Variants in SASH1 observed in about 807,000 individuals in gnomAD.
SASH1 encodes SAM and SH3 domain-containing protein 1.
SASH1 carries 44 observed loss-of-function variants against 125.2 expected under a neutral mutation model. That is an observed-to-expected ratio of 0.35 (90% CI 0.28 to 0.45). The LOEUF (loss-of-function observed/expected upper bound fraction) is 0.45, where lower values mean the gene tolerates loss of function less well. Among genes scored for constraint, SASH1 ranks in the 20% least tolerant of loss-of-function variants. SASH1 has a pLI of 1.00. For synonymous variants in SASH1, 639 were observed against 649.1 expected (o/e 0.98, Z 0.24); for missense variants, 1,426 against 1,614.5 (o/e 0.88, Z 2.00).
At chr6:148,347,919 C>T (rs917056113) in intron 1 of SASH1, among the ~76,000 whole-genome samples, 2 of 152,190 alleles carry the variant, frequency 1.3e-5, no homozygotes, top group African/African-American at 4.8e-5. Flanking sequence ...CTCAGGGTAA[C>T]AGAGAGGAGG....
chr6:148,259,867 G>A, the SASH1 span, among the ~76,000 whole-genome samples: 1 of 152,160 alleles, frequency 6.6e-6, no homozygotes, highest in South Asian at 2.1e-4. Context: ...GCACTGTAAA[G>A]CTTGACTTTT....
chr6:148,545,437 G>T (rs1782497474), intron 18 of SASH1, among the ~76,000 whole-genome samples: 1 of 152,196 alleles, frequency 6.6e-6, no homozygotes, highest in Non-Finnish European at 1.5e-5. Context: ...GTCTTTAAAT[G>T]AAAGGTAGTG....
chr6:148,486,936 A>T (rs1355008860), intron 7 of SASH1, among the ~76,000 whole-genome samples: 1 of 62,048 alleles, frequency 1.6e-5, no homozygotes, highest in African/African-American at 8.3e-5. Flanking sequence ...AACAACAACA[A>T]ATATATATAT....
At chr6:148,275,887 G>T (rs1779170592) in intron 1 of SASH1, among the ~76,000 whole-genome samples, 1 of 152,044 alleles carries the variant, frequency 6.6e-6, no homozygotes, top group African/African-American at 2.4e-5. Flanking sequence ...ACACCCAGCT[G>T]ATTTTTTATT....
At chr6:148,263,828 G>A in the SASH1 span, among the ~76,000 whole-genome samples, 1 of 152,160 alleles carries the variant, frequency 6.6e-6, no homozygotes, top group Non-Finnish European at 1.5e-5. Flanking sequence ...CTGTTTTCCT[G>A]CCCCTGTCTG....
At chr6:148,271,040 G>A (rs960926866), upstream of SASH1, among the ~76,000 whole-genome samples, 3 of 151,798 alleles carry the variant, frequency 2.0e-5, no homozygotes, top group Non-Finnish European at 4.4e-5. Context: ...CTCCCAAGTA[G>A]CTGGGATTAC....
chr6:148,279,984 CA>C (rs34727631), intron 1 of SASH1, among the ~76,000 whole-genome samples: 17,589 of 116,652 alleles, frequency 0.15, 1,251 homozygotes, highest in Middle Eastern at 0.24. Flanking sequence ...GACCATGTCT[CA>C]AAAAAAAAAA....
the SASH1 span, among the ~76,000 whole-genome samples, chr6:148,213,525 T>C: frequency 1.3e-5 from 2 of 151,606 alleles, no homozygotes; most frequent in African/African-American, 4.8e-5. Context: ...TGTGTGTGTG[T>C]GTGTGTGTTT....
intron 1 of SASH1, among the ~76,000 whole-genome samples, chr6:148,299,429 G>A (rs1451565305): frequency 2.0e-5 from 3 of 152,046 alleles, no homozygotes; most frequent in Non-Finnish European, 4.4e-5. Flanking sequence ...CACTTTGGGA[G>A]GCCGAGGTGG....
chr6:148,314,402 T>C (rs1035021937), intron 1 of SASH1, among the ~76,000 whole-genome samples: 4 of 152,210 alleles, frequency 2.6e-5, no homozygotes, highest in African/African-American at 9.6e-5. Context: ...TTCCCTTCAA[T>C]CATTCAGCTT....
At position 148,531,561 on chromosome 6, in the gene SASH1, G is replaced by C; in HGVS notation, c.1464G>C (p.Pro488=). The C allele has an allele frequency of 1.9e-6, 3 of 1,558,914 alleles. No homozygotes were observed. Among genetic ancestry groups the C allele is most frequent in the Non-Finnish European group, 2.6e-6 (3 of 1,150,764 alleles). Residue 488 remains proline, a synonymous_variant, in exon 13 of 20, where the codon CCG becomes CCC. Coordinates refer to ENST00000367467, the MANE Select transcript of SASH1 (RefSeq NM_015278.5). ...SGLDGMPGSP[P]PSQPDPEHLD... is the part of the protein sequence containing the mutation. ...TTGATGGAATGCCTGGCTCCCCTCC[G>C]CCTTCACAGCCCGACCCCGAACACT...
intron 5 of SASH1, among the ~76,000 whole-genome samples, chr6:148,469,491 G>T (rs940332214): frequency 2.6e-5 from 4 of 152,170 alleles, no homozygotes; most frequent in Admixed American, 2.0e-4. Flanking sequence ...CCAGCAATTT[G>T]GGAGGCCAAG....
chr6:148,431,832 G>A (rs568250856), intron 2 of SASH1, among the ~76,000 whole-genome samples: 1 of 151,766 alleles, frequency 6.6e-6, no homozygotes, highest in Non-Finnish European at 1.5e-5. Context: ...AAGACGTGAT[G>A]GTATTTTTAG....
chr6:148,462,432 A>G (rs1777655868), intron 4 of SASH1, among the ~76,000 whole-genome samples: 1 of 152,050 alleles, frequency 6.6e-6, no homozygotes. Flanking sequence ...CTCAGTATGT[A>G]GAAACGAGAT....
the SASH1 span, among the ~76,000 whole-genome samples, chr6:148,217,964 A>G: frequency 1.3e-5 from 2 of 151,410 alleles, no homozygotes; most frequent in East Asian, 3.9e-4. Context: ...GCAGTGTGCT[A>G]TGATGGCACC....
At chr6:148,245,053 CAGTT>C in the SASH1 span, among the ~76,000 whole-genome samples, 1 of 152,002 alleles carries the variant, frequency 6.6e-6, no homozygotes, top group South Asian at 2.1e-4. Context: ...ATGTTCAACT[CAGTT>C]GGTTTCCAGG....
chr6:148,263,443 T>C, the SASH1 span, among the ~76,000 whole-genome samples: 2 of 152,166 alleles, frequency 1.3e-5, no homozygotes, highest in East Asian at 3.9e-4. Flanking sequence ...TTGAGTTCAG[T>C]CAGAAAGCAC....
chr6:148,370,344 C>G (rs774932131), intron 1 of SASH1, among the ~76,000 whole-genome samples: 3 of 152,172 alleles, frequency 2.0e-5, no homozygotes, highest in Non-Finnish European at 2.9e-5. Context: ...TTACACAGAA[C>G]TGGTGTGTGG....
chr6:148,379,845 T>C (rs1305167156), intron 1 of SASH1: 1 of 448,694 alleles, frequency 2.2e-6, no homozygotes, highest in Non-Finnish European at 4.5e-6. Flanking sequence ...GTGGGGAGCA[T>C]ATGTTAAAGA....
Sources: allele counts gnomAD v4.1 joint callset (sites outside exome capture counted in the v4.1 genomes callset), GRCh38; gene constraint gnomAD v4.1.1; transcripts MANE v1.5; gene names NCBI Gene and HGNC (gene_info 2026-07-23, HGNC 2026-07-21).